SLC25A30: variants seen among roughly 807,000 people sequenced by gnomAD.
SLC25A30 encodes kidney mitochondrial carrier protein 1.
A neutral mutation model predicts 42.7 loss-of-function variants in SLC25A30; 29 were observed. That is an observed-to-expected ratio of 0.68 (90% CI 0.51 to 0.93). The LOEUF (loss-of-function observed/expected upper bound fraction) is 0.93, where lower values mean the gene tolerates loss of function less well. SLC25A30 is among the 40% of genes least tolerant of loss of function. The probability of loss-of-function intolerance (pLI) is 0.00; values close to 1 mark genes in which losing one functional copy is unlikely to be tolerated. For missense variants in SLC25A30, 300 were observed against 359.7 expected, an observed-to-expected ratio of 0.83 and a Z score of 1.34; for synonymous variants, 124 against 131.0, an observed-to-expected ratio of 0.95 and a Z score of 0.37.
chr13:45,423,044 A>T (rs1189428035), upstream of SLC25A30, among the ~76,000 whole-genome samples: 1 of 152,120 alleles, frequency 6.6e-6, no homozygotes, highest in Non-Finnish European at 1.5e-5. Context: ...CAGTCTTCCC[A>T]TGAAACAGTA....
At chr13:45,415,058 T>A (rs1256148461) in intron 1 of SLC25A30, among the ~76,000 whole-genome samples, 3 of 152,194 alleles carry the variant, frequency 2.0e-5, no homozygotes, top group African/African-American at 7.2e-5. Context: ...CTTACAGCCA[T>A]GTTCTCTAAG....
intron 3 of SLC25A30, among the ~76,000 whole-genome samples, 198 bp from the exon 4 acceptor site, chr13:45,406,175 C>T (rs543160877): frequency 3.9e-5 from 6 of 152,174 alleles, no homozygotes; most frequent in East Asian, 1.9e-4. Flanking sequence ...CTCTGCCTCC[C>T]GGGTTCAAGC....
At chr13:45,418,063 C>G (rs1883693232) in intron 1 of SLC25A30, 1 of 152,888 alleles carries the variant, frequency 6.5e-6, no homozygotes, top group Admixed American at 6.5e-5. Context: ...CCCCGCGGCA[C>G]CGGCCCGACC....
the SLC25A30 span, among the ~76,000 whole-genome samples, chr13:45,431,168 C>T: frequency 6.6e-6 from 1 of 152,008 alleles, no homozygotes; most frequent in Non-Finnish European, 1.5e-5. Flanking sequence ...CTGCCTCAGC[C>T]TCCCGAGTAG....
intron 7 of SLC25A30, among the ~76,000 whole-genome samples, chr13:45,400,474 A>G (rs1173762070): frequency 6.6e-6 from 1 of 152,150 alleles, no homozygotes; most frequent in East Asian, 1.9e-4. Flanking sequence ...GTAAGCACTC[A>G]AAGATATTTG....
intron 9 of SLC25A30, 92 bp from the exon 10 acceptor site, chr13:45,396,107 A>C: frequency 6.2e-7 from 1 of 1,612,814 alleles, no homozygotes; most frequent in Non-Finnish European, 8.5e-7. Context: ...CTTAATAACA[A>C]ATAGGTACAG....
chr13:45,396,959 A>T (rs890727567), intron 9 of SLC25A30: 1 of 317,866 alleles, frequency 3.1e-6, no homozygotes, highest in African/African-American at 2.2e-5. Flanking sequence ...TATAAAGCCA[A>T]TCCTCCTCTC....
the SLC25A30 span, among the ~76,000 whole-genome samples, chr13:45,431,073 G>C: frequency 2.6e-5 from 4 of 152,148 alleles, no homozygotes; most frequent in South Asian, 8.3e-4. Flanking sequence ...TTGAGATGGA[G>C]TTTCGCTCTT....
chr13:45,421,341 T>C (rs1883886527), upstream of SLC25A30, among the ~76,000 whole-genome samples: 1 of 130,178 alleles, frequency 7.7e-6, no homozygotes, highest in Non-Finnish European at 1.5e-5. Context: ...ATCGTGCTAC[T>C]GCACTCCAGC....
rs765597494 is a variant in SLC25A30, at chr13:45,397,278, G to A, written c.814C>T (p.Leu272Phe). ...YKGFWPNWLR[L>F]GPWNIIFFVT... Reference sequence around the variant, plus strand: ...GATACAATGATATTCCAAGGACCAAGTCTCAACCAATTTGGCCAAAAGCCT... The same window carrying A: ...GATACAATGATATTCCAAGGACCAAATCTCAACCAATTTGGCCAAAAGCCT... Residue 272 changes from leucine to phenylalanine, a missense_variant, in exon 9 of 10, where the codon CTT (leucine) becomes TTT (phenylalanine). Transcript: ENST00000519676. 1.2e-6 allele frequency: 2 copies of A among 1,611,214 alleles called. No homozygotes were observed. Among genetic ancestry groups the A allele is most frequent in the Non-Finnish European group, 1.7e-6 (2 of 1,177,598 alleles).
chr13:45,414,621 C>CACACACACACAT (rs755747410), intron 1 of SLC25A30, among the ~76,000 whole-genome samples: 1 of 136,112 alleles, frequency 7.3e-6, no homozygotes, highest in African/African-American at 3.0e-5. Flanking sequence ...TTGTCTCAAA[C>CACACACACACAT]ACACACACAC....
At chr13:45,416,280 C>T (rs1265069606) in intron 1 of SLC25A30, among the ~76,000 whole-genome samples, 5 of 151,562 alleles carry the variant, frequency 3.3e-5, no homozygotes, top group Admixed American at 6.6e-5. Flanking sequence ...TAGTGGTGGG[C>T]GCCTGTAATT....
In SLC25A30 at chr13:45,411,445, T is replaced by C; in HGVS notation, c.-20A>G. ...TGACATTCTCACACTGTCTCTTCTT[T>C]GATTTATAGAAACATTGCCTCCAGT... On this transcript the variant is annotated 5_prime_UTR_variant, in exon 2 of 10. Transcript: ENST00000519676. 1 of 1,613,780 alleles carries C rather than the reference T, an allele frequency of 6.2e-7. No homozygotes were observed. Among genetic ancestry groups the C allele is most frequent in the Non-Finnish European group, 8.5e-7 (1 of 1,179,802 alleles).
At chr13:45,412,127 GTTTT>G (rs72141611) in intron 1 of SLC25A30, among the ~76,000 whole-genome samples, 1 of 147,138 alleles carries the variant, frequency 6.8e-6, no homozygotes, top group South Asian at 2.2e-4. Context: ...TTCTTTTTTT[GTTTT>G]TTTTTTAAGA....
At chr13:45,424,107 AT>A in the SLC25A30 span, among the ~76,000 whole-genome samples, 61 of 95,662 alleles carry the variant, frequency 6.4e-4, no homozygotes, top group African/African-American at 2.7e-3. Context: ...ATATATAAAA[AT>A]ATATATAAAT....
At chr13:45,432,206 A>T in the SLC25A30 span, among the ~76,000 whole-genome samples, 66 of 150,526 alleles carry the variant, frequency 4.4e-4, 1 homozygote, top group South Asian at 3.6e-3. Context: ...GGAGGTGAAG[A>T]TTGCAGTGAG....
At chr13:45,424,773 T>TATATAAAA in the SLC25A30 span, among the ~76,000 whole-genome samples, 1 of 60,164 alleles carries the variant, frequency 1.7e-5, no homozygotes, top group East Asian at 3.7e-4. Context: ...TATAAATATA[T>TATATAAAA]ATATATAAAT....
At chr13:45,422,207 A>T (rs1883906423), upstream of SLC25A30, among the ~76,000 whole-genome samples, 1 of 152,238 alleles carries the variant, frequency 6.6e-6, no homozygotes, top group Non-Finnish European at 1.5e-5. Flanking sequence ...ATTAAACTAC[A>T]GGAATGATGC....
Position 45,414,567 on chromosome 13 carries a change from A to T in SLC25A30, c.-55-3087T>A, listed in dbSNP as rs545903394. On this transcript the variant is annotated intron_variant, in intron 1 of 9. Transcript: ENST00000519676. ...GGGAGGCGGAAGTTGCAGTGAGCCAAGATCTTGACACTGCATTCCAGCCTG... is the reference window on the plus strand; with the variant it reads ...GGGAGGCGGAAGTTGCAGTGAGCCATGATCTTGACACTGCATTCCAGCCTG... Among the ~76,000 whole-genome samples the T allele has an allele frequency of 1.2e-3, 176 of 152,092 alleles. 1 individual carries two copies. Among genetic ancestry groups the T allele is most frequent in the Non-Finnish European group, 2.2e-3 (152 of 68,006 alleles).
Sources: gnomAD v4.1 joint callset for allele counts (sites outside exome capture counted in the v4.1 genomes callset) on GRCh38, gnomAD v4.1.1 for gene constraint, MANE v1.5 for transcripts, NCBI Gene and HGNC (gene_info 2026-07-23, HGNC 2026-07-21) for gene names.